Variants in ROGDI observed in about 807,000 individuals in gnomAD.
ROGDI encodes the protein protein rogdi homolog.
Under a neutral mutation model 43.1 loss-of-function variants are expected in ROGDI, and 46 were observed. The observed-to-expected ratio is 1.07, with a 90% CI of 0.84 to 1.37. ROGDI has a LOEUF of 1.37. ROGDI is among the 40% of genes most tolerant of loss of function. The probability of loss-of-function intolerance (pLI) is 0.00; values close to 1 mark genes in which losing one functional copy is unlikely to be tolerated. For missense variants in ROGDI, 518 were observed against 383.9 expected, an observed-to-expected ratio of 1.35 and a Z score of -2.92; for synonymous variants, 243 against 162.0, an observed-to-expected ratio of 1.50 and a Z score of -3.80.
chr16:4,802,075 T>C (rs1205805048), intron 2 of ROGDI: 4 of 619,208 alleles, frequency 6.5e-6, no homozygotes, highest in South Asian at 6.1e-5. Context: ...GAAGTCACAC[T>C]GCCAGGCAGA....
chr16:4,802,545 C>T lies in ROGDI; in HGVS notation c.27G>A (p.Ala9=). 3.1e-6 allele frequency: 4 copies of T among 1,282,662 alleles called. No homozygotes were observed. Among genetic ancestry groups the T allele is most frequent in the Non-Finnish European group, 4.0e-6 (4 of 1,008,588 alleles). The allele number at this position is 1,282,662 out of a possible 1,614,324, so 79.5% of individuals were successfully genotyped here. MATVMAAT[A]AERAVLEEEF... ...GCCTTACCAGCACCGCCCGCTCCGCCGCCGTCGCTGCCATCACGGTGGCCA... is the reference window on the plus strand; with the variant it reads ...GCCTTACCAGCACCGCCCGCTCCGCTGCCGTCGCTGCCATCACGGTGGCCA... Residue 9 remains alanine (A), a synonymous_variant, in exon 1 of 11, where the codon GCG becomes GCA. Transcript: ENST00000322048.
intron 2 of ROGDI, 187 bp downstream of exon 2, chr16:4,802,195 C>A: frequency 1.5e-6 from 1 of 667,582 alleles, no homozygotes. Flanking sequence ...TCGGGACCCG[C>A]CCCTGCCCGC....
rs2082748656 is a variant in ROGDI, at chr16:4,802,599, C to G, written c.-28G>C. 2 of 1,301,552 alleles carry G rather than the reference C, an allele frequency of 1.5e-6. No homozygotes were observed. The highest frequency in any genetic ancestry group is 1.5e-5 in the African/African-American group (1 of 64,884). The allele number at this position is 1,301,552 out of a possible 1,614,324, so 80.6% of individuals were successfully genotyped here. On this transcript the variant is annotated 5_prime_UTR_variant, in exon 1 of 11. Transcript: ENST00000322048. ...CCGCAGGCCGCCGCCGAGCGCCCTC[C>G]CCACCGGCCGCTGCTCCTGTCCACC...
rs760381641 is a variant in ROGDI, at chr16:4,801,591, G to C, written c.118-6C>G. The C allele has an allele frequency of 2.5e-6, 4 of 1,589,946 alleles. No individual in the cohort carries two copies. Among genetic ancestry groups the C allele is most frequent in the Non-Finnish European group, 3.4e-6 (4 of 1,168,184 alleles). ...GTGAAGCGCAGAGAGGCCTCCTGTG[G>C]AACAGAGGGAAGGAGGGGAGCTGGT... On this transcript the variant is annotated splice_region_variant and splice_polypyrimidine_tract_variant and intron_variant, in intron 2 of 10. Coordinates refer to ENST00000322048, the MANE Select transcript of ROGDI (RefSeq NM_024589.3).
chr16:4,801,307 T>C lies in ROGDI; in HGVS notation c.215A>G (p.Lys72Arg), dbSNP rs779096456. The stretch of plus-strand genomic sequence containing the variant: ...ATCCCCCTGCAGAGTCAGCACACCC[T>C]TCACCTGGTCTGTGCTGTAACATGT... ...ILGSCGTDQV[K>R]GVLTLQGDAL... Residue 72 changes from lysine (K) to arginine (R), a missense_variant, in exon 4 of 11, where the codon AAG becomes AGG. By Grantham distance (26) the Lys-to-Arg change is conservative. Coordinates refer to ENST00000322048, the MANE Select transcript of ROGDI (RefSeq NM_024589.3). 6.2e-6 allele frequency: 10 copies of C among 1,609,094 alleles called. No individual in the cohort carries two copies. Among genetic ancestry groups the C allele is most frequent in the Non-Finnish European group, 8.5e-6 (10 of 1,176,654 alleles).
At chr16:4,802,267 C>A in intron 2 of ROGDI, 115 bp downstream of exon 2, 2 of 980,176 alleles carry the variant, frequency 2.0e-6, no homozygotes, top group South Asian at 2.8e-5. Flanking sequence ...TGCCTGAAAG[C>A]CGCGGCAGCC....
At position 4,797,502 on chromosome 16, in the gene ROGDI, C is replaced by T; in HGVS notation, c.823-1G>A. The T allele has an allele frequency of 1.9e-6, 3 of 1,600,368 alleles. No individual in the cohort carries two copies. Among genetic ancestry groups the T allele is most frequent in the Non-Finnish European group, 2.6e-6 (3 of 1,173,008 alleles). On this transcript the variant is annotated splice_acceptor_variant, in intron 10 of 10. Coordinates refer to ENST00000322048, the MANE Select transcript of ROGDI (RefSeq NM_024589.3). LOFTEE classifies it high-confidence loss of function. ...TCCAGTAGCTGGAGAACACGGAGAT[C>T]TGCAAGGGGAGAGGGTGCTGTAGGT...
chr16:4,802,415 G>A lies in ROGDI; in HGVS notation c.84C>T (p.His28=), dbSNP rs1371856388. ...EFRWLLHDEV[H]AVLKQLQDIL... The stretch of plus-strand genomic sequence containing the variant: ...TGTCCTGCAGCTGCTTCAACACAGC[G>A]TGCACCTCGTCGTGCAGCAGCCAGC... Residue 28 remains histidine (H), a synonymous_variant, in exon 2 of 11, where the codon CAC becomes CAT. Transcript: ENST00000322048. The A allele has an allele frequency of 1.3e-6, 2 of 1,533,838 alleles. No individual in the cohort carries two copies. Among genetic ancestry groups the A allele is most frequent in the African/African-American group, 2.8e-5 (2 of 70,664 alleles).
At chr16:4,802,178 AC>A in intron 2 of ROGDI, 1 of 644,078 alleles carries the variant, frequency 1.6e-6, no homozygotes, top group South Asian at 1.6e-5. Flanking sequence ...CCTTGCTAGC[AC>A]CCTCGTCGGG....
At position 4,798,055 on chromosome 16, in the gene ROGDI, AG is replaced by A. The variant is rs1356112429; in HGVS notation, c.645+15del. ...GTGCATGGCGGGCAGTGGGCCGGGC[AG>A]GGGTCCCTCCTCACCTTGGTGGAGT... On this transcript the variant is annotated intron_variant, in intron 8 of 10. Coordinates refer to ENST00000322048, the MANE Select transcript of ROGDI (RefSeq NM_024589.3). 2.5e-6 allele frequency: 4 copies of A among 1,613,472 alleles called. No individual in the cohort carries two copies. The Admixed American group carries it at 6.7e-5, about 27-fold the overall frequency.
chr16:4,797,342 TA>T lies in ROGDI; in HGVS notation c.*117del. On this transcript the variant is annotated 3_prime_UTR_variant, in exon 11 of 11. Coordinates refer to ENST00000322048, the MANE Select transcript of ROGDI (RefSeq NM_024589.3). ...GGCAGTGCAAATGTGTTAGGTGGGG[TA>T]GGGGGTGGGATAGGGAGATAAATAG... is the stretch of plus-strand genomic sequence containing the variant. 1.2e-6 allele frequency: 1 copy of T among 825,010 alleles called. No individual in the cohort carries two copies. Among genetic ancestry groups the T allele is most frequent in the Non-Finnish European group, 1.9e-6 (1 of 521,830 alleles). 51.1% of individuals were successfully genotyped at this position (825,010 alleles called of 1,614,324 possible). A position where few individuals can be genotyped will look rare whatever the true frequency, so the allele number is the denominator to read the frequency against.
In ROGDI at chr16:4,799,586, T is replaced by C. The variant is rs943633219; in HGVS notation, c.432+100A>G. On this transcript the variant is annotated intron_variant, in intron 6 of 10. Coordinates refer to ENST00000322048, the MANE Select transcript of ROGDI (RefSeq NM_024589.3). ...AGTCGGCAGGTAAGTGCTTACAGGT[T>C]GCACAGCTCAACGTGGAGGCCCTGG... The C allele has an allele frequency of 6.4e-5, 51 of 803,144 alleles. No homozygotes were observed. In the East Asian group the frequency reaches 1.4e-3, roughly 22 times the overall value. The allele number at this position is 803,144 out of a possible 1,614,324, so 49.8% of individuals were successfully genotyped here. A position where few individuals can be genotyped will look rare whatever the true frequency, so the allele number is the denominator to read the frequency against.
intron 5 of ROGDI, 24 bp downstream of exon 5, chr16:4,800,474 A>G: frequency 6.5e-7 from 1 of 1,543,044 alleles, no homozygotes; most frequent in Non-Finnish European, 8.8e-7. Flanking sequence ...GTGGCTGAGC[A>G]CTAGCCAGGA....
At chr16:4,798,507 G>T in intron 7 of ROGDI, 62 bp downstream of exon 7, 1 of 1,330,000 alleles carries the variant, frequency 7.5e-7, no homozygotes, top group Non-Finnish European at 1.0e-6. Context: ...TCCATCCTGA[G>T]GGCAAGCTGG....
chr16:4,802,100 G>A (rs1386487963), intron 2 of ROGDI: 3 of 640,638 alleles, frequency 4.7e-6, no homozygotes, highest in Non-Finnish European at 8.7e-6. Context: ...GAATTCTTCG[G>A]CTCCCAGATT....
At chr16:4,799,582 A>C (rs2082692885) in intron 6 of ROGDI, 104 bp downstream of exon 6, 2 of 757,742 alleles carry the variant, frequency 2.6e-6, no homozygotes, top group South Asian at 3.4e-5. Context: ...AAGTGCTTAC[A>C]GGTTGCACAG....
rs1285031915 is a variant in ROGDI at position 4,801,333 on chromosome 16, G to A, written c.201-12C>T. 1.2e-6 allele frequency: 2 copies of A among 1,602,568 alleles called. No homozygotes were observed. The highest frequency in any genetic ancestry group is 2.7e-5 in the African/African-American group (2 of 74,714). On this transcript the variant is annotated splice_polypyrimidine_tract_variant and intron_variant, in intron 3 of 10. Transcript: ENST00000322048. ...TCACCTGGTCTGTGCTGTAACATGT[G>A]GCGTCAGAGCGGTGCCTGTGGTCAC...
intron 6 of ROGDI, 29 bp from the exon 7 acceptor site, chr16:4,798,696 G>A (rs952313855): frequency 7.4e-6 from 11 of 1,488,816 alleles, no homozygotes; most frequent in East Asian, 4.8e-5. Flanking sequence ...TTGGCTCTGC[G>A]TCCTCCCGTG....
chr16:4,798,047 G>A lies in ROGDI; in HGVS notation c.645+24C>T, dbSNP rs1461268798. 17 of 1,613,316 alleles carry A rather than the reference G, an allele frequency of 1.1e-5. No homozygotes were observed. The East Asian group carries it at 1.3e-4, about 13-fold the overall frequency. On this transcript the variant is annotated intron_variant, in intron 8 of 10. Coordinates refer to ENST00000322048, the MANE Select transcript of ROGDI (RefSeq NM_024589.3). ...CAGGGCGTGTGCATGGCGGGCAGTGGGCCGGGCAGGGGTCCCTCCTCACCT... is the reference window on the plus strand; with the variant it reads ...CAGGGCGTGTGCATGGCGGGCAGTGAGCCGGGCAGGGGTCCCTCCTCACCT...
Sources: gnomAD v4.1 joint callset for allele counts on GRCh38, gnomAD v4.1.1 for gene constraint, MANE v1.5 for transcripts, NCBI Gene and HGNC (gene_info 2026-07-23, HGNC 2026-07-21) for gene names.